Variants in ADGB observed in about 807,000 individuals in gnomAD.
The protein encoded by ADGB is androglobin.
In ADGB, 172 loss-of-function variants were observed where a neutral mutation model predicts 210.5. The ratio of observed to expected loss-of-function variants is 0.82; its 90% confidence interval spans 0.72 to 0.93. The LOEUF (loss-of-function observed/expected upper bound fraction) is 0.93, where lower values mean the gene tolerates loss of function less well. Ranked by LOEUF, ADGB falls within the 40% of genes least tolerant of loss-of-function variation. The pLI, the probability that ADGB is intolerant of heterozygous loss-of-function variation, is 0.00. For missense variants in ADGB, 2,025 were observed against 1,964.8 expected (o/e 1.03, Z -0.58); for synonymous variants, 658 against 662.7 (o/e 0.99, Z 0.11).
chr6:146,715,971 G>A (rs1164921941), intron 14 of ADGB, among the ~76,000 whole-genome samples: 1 of 151,108 alleles, frequency 6.6e-6, no homozygotes, highest in South Asian at 2.1e-4. Flanking sequence ...GGGAGGCTGA[G>A]GCAGGAGAAT....
At chr6:146,748,973 T>C (rs1452243731) in intron 26 of ADGB, among the ~76,000 whole-genome samples, 1 of 152,158 alleles carries the variant, frequency 6.6e-6, no homozygotes, top group Non-Finnish European at 1.5e-5. Flanking sequence ...CAAAAGACCC[T>C]ATCTCCAAAT....
At chr6:146,777,025 C>T (rs1447204701) in intron 29 of ADGB, among the ~76,000 whole-genome samples, 1 of 151,976 alleles carries the variant, frequency 6.6e-6, no homozygotes, top group Admixed American at 6.6e-5. Flanking sequence ...ACAGTTTCCA[C>T]TCCTATAGAG....
chr6:146,794,641 G>A (rs1447838139), intron 33 of ADGB, among the ~76,000 whole-genome samples: 1 of 151,944 alleles, frequency 6.6e-6, no homozygotes, highest in Non-Finnish European at 1.5e-5. Context: ...AAGGAAAGGG[G>A]GGTGGGACCT....
In ADGB at chr6:146,654,164, G is replaced by T. The variant is rs752877277; in HGVS notation, c.360G>T (p.Thr120=). 2 of 1,542,214 alleles carry T rather than the reference G, an allele frequency of 1.3e-6. No individual in the cohort carries two copies. The highest frequency in any genetic ancestry group is 1.8e-6 in the Non-Finnish European group (2 of 1,140,830). ...QTPVVVKNEI[T]FDLFSANEHL... is the part of the protein sequence containing the mutation. ...CAGTAGTTGTGAAAAATGAAATCAC[G>T]TTTGACTTATTTTCAGCAAATGAAC... The change falls in exon 4 of 36, where the codon ACG becomes ACT. Residue 120 remains threonine (T), a synonymous_variant. Coordinates refer to ENST00000397944, the MANE Select transcript of ADGB (RefSeq NM_024694.4).
rs183517164 is a variant in ADGB at position 146,691,037 on chromosome 6, C to G, written c.1312-79C>G. On this transcript the variant is annotated intron_variant, in intron 10 of 35. Transcript: ENST00000397944. ...CTTACTACCACCATATTGCTCTGTT[C>G]GTGATAGTATTTTTACATTGGAAAA... 430 of 1,267,660 alleles carry G rather than the reference C, an allele frequency of 3.4e-4. 2 individuals carry two copies. The highest frequency in any genetic ancestry group is 1.2e-5 in the Non-Finnish European group (11 of 951,402). The allele number at this position is 1,267,660 out of a possible 1,614,324, so 78.5% of individuals were successfully genotyped here.
chr6:146,805,949 T>G (rs560173830), intron 35 of ADGB, among the ~76,000 whole-genome samples: 32 of 152,390 alleles, frequency 2.1e-4, no homozygotes, highest in Admixed American at 6.5e-4. Context: ...AGACTATATG[T>G]GGACAGATAT....
intron 5 of ADGB, among the ~76,000 whole-genome samples, chr6:146,659,119 A>T (rs567394174): frequency 1.3e-5 from 2 of 152,282 alleles, no homozygotes; most frequent in East Asian, 3.9e-4. Flanking sequence ...CTTACATGCA[A>T]ATCCTATGTG....
At chr6:146,777,992 A>G (rs4896889) in intron 29 of ADGB, among the ~76,000 whole-genome samples, 63,684 of 152,060 alleles carry the variant, frequency 0.42, 14,469 homozygotes, top group Admixed American at 0.56. Context: ...TAAGCACACC[A>G]TTAGCAGCCA....
At chr6:146,672,874 G>A (rs1268002518) in intron 8 of ADGB, among the ~76,000 whole-genome samples, 2 of 151,970 alleles carry the variant, frequency 1.3e-5, no homozygotes, top group South Asian at 2.1e-4. Context: ...GGGGTTACAG[G>A]CGTGCACCAC....
intron 1 of ADGB, among the ~76,000 whole-genome samples, chr6:146,633,715 G>T (rs1214143309): frequency 2.6e-5 from 4 of 151,870 alleles, no homozygotes; most frequent in Admixed American, 6.6e-5. Flanking sequence ...TAAAAATTGA[G>T]TACCTTAACT....
chr6:146,808,866 T>TGG (rs11451761), intron 35 of ADGB, among the ~76,000 whole-genome samples: 1 of 151,080 alleles, frequency 6.6e-6, no homozygotes, highest in Non-Finnish European at 1.5e-5. Context: ...CACCAGGTCG[T>TGG]GGGGGTGACA....
At position 146,728,729 on chromosome 6, in the gene ADGB, A is replaced by C; in HGVS notation, c.2508A>C (p.Ala836=). ...CCTTCCATGATAAAGAACTAACTGCACAGCACTTCAGGGTAAGCTTGTTTG... is the reference window on the plus strand; with the variant it reads ...CCTTCCATGATAAAGAACTAACTGCCCAGCACTTCAGGGTAAGCTTGTTTG... ...PVPFHDKELT[A]QHFRVFHLSL... The change falls in exon 20 of 36, where the codon GCA becomes GCC. Residue 836 remains alanine (A), a synonymous_variant. Transcript: ENST00000397944. 3 of 1,548,858 alleles carry C rather than the reference A, an allele frequency of 1.9e-6. No homozygotes were observed. The highest frequency in any genetic ancestry group is 2.6e-6 in the Non-Finnish European group (3 of 1,145,068).
intron 33 of ADGB, among the ~76,000 whole-genome samples, 152 bp downstream of exon 33, chr6:146,788,762 G>A (rs955838926): frequency 3.9e-5 from 6 of 152,166 alleles, no homozygotes; most frequent in African/African-American, 1.4e-4. Flanking sequence ...TAATGGAGTT[G>A]GGAATTTGCT....
At chr6:146,681,653 TGATGAAAGAAATAGATTAGAA>T (rs1385026010) in intron 9 of ADGB, among the ~76,000 whole-genome samples, 3 of 152,092 alleles carry the variant, frequency 2.0e-5, no homozygotes, top group Non-Finnish European at 4.4e-5. Context: ...CATGTGGAAC[TGATGAAAGAAATAGATTAGAA>T]GCCCACTAAT....
At chr6:146,749,383 T>C (rs1777287592) in intron 26 of ADGB, among the ~76,000 whole-genome samples, 1 of 152,118 alleles carries the variant, frequency 6.6e-6, no homozygotes, top group Non-Finnish European at 1.5e-5. Flanking sequence ...GAATCAGACC[T>C]AGGACAGAAT....
At chr6:146,768,926 T>G (rs1777613963) in intron 28 of ADGB, 94 bp from the exon 29 acceptor site, 1 of 576,540 alleles carries the variant, frequency 1.7e-6, no homozygotes, top group Admixed American at 3.0e-5. Context: ...ATCTGGAAAA[T>G]TCTGCATTTA....
chr6:146,812,134 C>G (rs370498229), intron 35 of ADGB, among the ~76,000 whole-genome samples: 57 of 150,164 alleles, frequency 3.8e-4, no homozygotes, highest in Non-Finnish European at 8.9e-5. Context: ...CATTTTCTGT[C>G]TAAGTATTAT....
chr6:146,749,852 G>A (rs1343717343), intron 26 of ADGB, among the ~76,000 whole-genome samples: 1 of 151,970 alleles, frequency 6.6e-6, no homozygotes, highest in East Asian at 1.9e-4. Context: ...AGGGGGAAGT[G>A]CTATACACTT....
intron 10 of ADGB, among the ~76,000 whole-genome samples, chr6:146,689,321 A>G (rs911561378): frequency 5.3e-5 from 8 of 152,176 alleles, no homozygotes; most frequent in Non-Finnish European, 1.2e-4. Context: ...GCATCAAACT[A>G]TAACTATTAT....
Sources: gnomAD v4.1 joint callset for allele counts (sites outside exome capture counted in the v4.1 genomes callset) on GRCh38, gnomAD v4.1.1 for gene constraint, MANE v1.5 for transcripts, NCBI Gene and HGNC (gene_info 2026-07-23, HGNC 2026-07-21) for gene names.